ALX4: variants seen among roughly 807,000 people sequenced by gnomAD.
ALX4 encodes the protein homeobox protein aristaless-like 4.
A neutral mutation model predicts 40.6 loss-of-function variants in ALX4; 22 were observed. The ratio of observed to expected loss-of-function variants is 0.54; its 90% CI spans 0.39 to 0.77. The LOEUF is 0.77. Among genes scored for constraint, ALX4 ranks in the 30% least tolerant of loss-of-function variants. The pLI is 0.00. For missense variants in ALX4, 556 were observed against 564.8 expected (o/e 0.98, Z 0.16); for synonymous variants, 266 against 240.5 (o/e 1.11, Z -0.98).
At chr11:44,290,147 C>G (rs1274878938) in intron 1 of ALX4, among the ~76,000 whole-genome samples, 1 of 152,202 alleles carries the variant, frequency 6.6e-6, no homozygotes. Flanking sequence ...GGGCGTGTCC[C>G]AAGACATCTC....
chr11:44,269,953 CT>C (rs1395272580), intron 2 of ALX4, among the ~76,000 whole-genome samples: 1 of 152,050 alleles, frequency 6.6e-6, no homozygotes, highest in Non-Finnish European at 1.5e-5. Context: ...GATGGCTTCT[CT>C]TTTTCTTTTT....
intron 1 of ALX4, among the ~76,000 whole-genome samples, chr11:44,277,986 C>T (rs1003591693): frequency 6.6e-6 from 1 of 151,662 alleles, no homozygotes; most frequent in Non-Finnish European, 1.5e-5. Context: ...ATCTTCCTGG[C>T]AGACAAATAC....
chr11:44,272,386 C>T (rs1402625932), intron 2 of ALX4, among the ~76,000 whole-genome samples: 1 of 151,978 alleles, frequency 6.6e-6, no homozygotes, highest in Non-Finnish European at 1.5e-5. Flanking sequence ...CACCTGTAAT[C>T]CCAGCTACTC....
At chr11:44,287,782 C>G (rs1159089185) in intron 1 of ALX4, among the ~76,000 whole-genome samples, 1 of 152,028 alleles carries the variant, frequency 6.6e-6, no homozygotes, top group Non-Finnish European at 1.5e-5. Flanking sequence ...AATGGCTGCT[C>G]TCAGCTGCCT....
intron 1 of ALX4, among the ~76,000 whole-genome samples, chr11:44,277,511 C>T (rs78409365): frequency 0.012 from 1,855 of 152,298 alleles, 39 homozygotes; most frequent in African/African-American, 0.042. Context: ...ACAACAAGCA[C>T]GTGTGGTAGG....
intron 1 of ALX4, among the ~76,000 whole-genome samples, chr11:44,296,273 T>C (rs1352763989): frequency 3.9e-5 from 6 of 152,162 alleles, no homozygotes; most frequent in African/African-American, 9.7e-5. Context: ...AAGAATGAAG[T>C]TGGAGAGCCT....
At chr11:44,287,881 C>T (rs1956348152) in intron 1 of ALX4, among the ~76,000 whole-genome samples, 1 of 152,216 alleles carries the variant, frequency 6.6e-6, no homozygotes, top group Non-Finnish European at 1.5e-5. Flanking sequence ...CATCTGGGAC[C>T]TCAGATGTGG....
chr11:44,307,668 T>C (rs1359979341), intron 1 of ALX4, among the ~76,000 whole-genome samples: 1 of 152,222 alleles, frequency 6.6e-6, no homozygotes, highest in Non-Finnish European at 1.5e-5. Flanking sequence ...CGACCTGCCC[T>C]CACCTAATAG....
At chr11:44,306,665 T>C (rs1054789183) in intron 1 of ALX4, among the ~76,000 whole-genome samples, 3 of 152,248 alleles carry the variant, frequency 2.0e-5, no homozygotes, top group Admixed American at 6.5e-5. Context: ...TGGGAGCGTC[T>C]AAGGATTTTT....
intron 1 of ALX4, among the ~76,000 whole-genome samples, chr11:44,279,538 C>T (rs867380228): frequency 6.7e-6 from 1 of 149,124 alleles, no homozygotes; most frequent in African/African-American, 2.4e-5. Context: ...GCAAGGTGCC[C>T]TCCTCAGCAA....
intron 1 of ALX4, among the ~76,000 whole-genome samples, chr11:44,293,488 G>A (rs1214197533): frequency 6.6e-6 from 1 of 152,178 alleles, no homozygotes; most frequent in Non-Finnish European, 1.5e-5. Flanking sequence ...CACAGCGAAC[G>A]TGAGACAAAT....
rs1019429549 is a variant in ALX4 at position 44,264,823 on chromosome 11, C to T, written c.*31G>A. On this transcript the variant is annotated 3_prime_UTR_variant, in exon 4 of 4. Transcript: ENST00000652299. ...AAAACATGGGCGTGGCCCATGGTGT[C>T]CCGAGGTGGGGACGGGGCAGGGGTG... 3.7e-6 allele frequency: 6 copies of T among 1,609,434 alleles called. No homozygotes were observed. The highest frequency in any genetic ancestry group is 1.3e-5 in the African/African-American group (1 of 74,896).
Position 44,296,369 on chromosome 11 carries a change from G to A in ALX4, c.466+13228C>T, listed in dbSNP as rs997618123. 6.6e-5 allele frequency among the ~76,000 whole-genome samples: 10 copies of A among 152,106 alleles called. 1 individual carries two copies. The highest frequency in any genetic ancestry group is 2.0e-4 in the Admixed American group (3 of 15,266). On this transcript the variant is annotated intron_variant, in intron 1 of 3. Transcript: ENST00000652299. The stretch of plus-strand genomic sequence containing the variant: ...AAAGCTCTTAAAAGAAGACATAGGC[G>A]AAAATCCTCCTGACACTGGAGTTAT...
At chr11:44,271,809 G>T (rs1956249056) in intron 2 of ALX4, among the ~76,000 whole-genome samples, 1 of 152,086 alleles carries the variant, frequency 6.6e-6, no homozygotes, top group South Asian at 2.1e-4. Flanking sequence ...TGTACTCAAG[G>T]CGTCATTCTT....
intron 2 of ALX4, among the ~76,000 whole-genome samples, chr11:44,274,930 AC>A (rs758399288): frequency 7.9e-4 from 121 of 152,312 alleles, no homozygotes; most frequent in Admixed American, 1.9e-3. Flanking sequence ...GTTTCTGCCC[AC>A]TGGGATGCTG....
At chr11:44,286,202 G>A (rs1370220577) in intron 1 of ALX4, among the ~76,000 whole-genome samples, 1 of 152,230 alleles carries the variant, frequency 6.6e-6, no homozygotes, top group Non-Finnish European at 1.5e-5. Context: ...GAGGGGGGTC[G>A]AGGAAACCAG....
At chr11:44,293,520 C>T (rs1231318853) in intron 1 of ALX4, among the ~76,000 whole-genome samples, 2 of 152,238 alleles carry the variant, frequency 1.3e-5, no homozygotes, top group Non-Finnish European at 1.5e-5. Flanking sequence ...CCACCTGTTA[C>T]TACTTCTTGG....
chr11:44,301,796 A>T (rs1217552328), intron 1 of ALX4, among the ~76,000 whole-genome samples: 1 of 152,160 alleles, frequency 6.6e-6, no homozygotes, highest in Non-Finnish European at 1.5e-5. Context: ...CTTGGGCCTC[A>T]GTTTGCTCAT....
In ALX4 at chr11:44,262,391, A is replaced by T. The variant is rs192114163; in HGVS notation, c.*2463T>A. ...ATGAACAGGAATGTTTCACATTGGC[A>T]TGTTTAATCCTAGACACTTCCTGGG... On this transcript the variant is annotated 3_prime_UTR_variant, in exon 4 of 4. Coordinates refer to ENST00000652299, the MANE Select transcript of ALX4 (RefSeq NM_021926.4). The T allele has an allele frequency of 2.6e-5, 4 of 152,392 alleles. No homozygotes were observed. Among genetic ancestry groups the T allele is most frequent in the Admixed American group, 2.6e-4 (4 of 15,304 alleles). The allele number at this position is 152,392 out of a possible 1,614,324, so 9.4% of individuals were successfully genotyped here.
Sources: allele counts gnomAD v4.1 joint callset (sites outside exome capture counted in the v4.1 genomes callset), GRCh38; gene constraint gnomAD v4.1.1; transcripts MANE v1.5; gene names NCBI Gene and HGNC (gene_info 2026-07-23, HGNC 2026-07-21).